Variants in CPAMD8 observed in about 807,000 individuals in gnomAD.
CPAMD8 encodes C3 and PZP like alpha-2-macroglobulin domain containing 8.
Under a neutral mutation model 224.7 loss-of-function variants are expected in CPAMD8, and 146 were observed. That is an observed-to-expected ratio of 0.65 (90% CI 0.57 to 0.75). The LOEUF is 0.75. CPAMD8 is among the 30% of genes least tolerant of loss of function. The pLI, the probability that CPAMD8 is intolerant of heterozygous loss-of-function variation, is 0.00. For missense variants in CPAMD8, 2,301 were observed against 2,537.5 expected, an observed-to-expected ratio of 0.91 and a Z score of 2.00; for synonymous variants, 966 against 1,044.6, an observed-to-expected ratio of 0.92 and a Z score of 1.45.
At position 16,943,033 on chromosome 19, in the gene CPAMD8, G is replaced by A. The variant is rs2053957019; in HGVS notation, c.2793+2516C>T. Among the ~76,000 whole-genome samples, 10 of 143,824 alleles carry A rather than the reference G, an allele frequency of 7.0e-5. No homozygotes were observed. In the Admixed American group the frequency reaches 7.1e-4, roughly 10 times the overall value. The allele number at this position is 143,824 out of a possible 152,430, so 94.4% of individuals were successfully genotyped here. A position where few individuals can be genotyped will look rare whatever the true frequency, so the allele number is the denominator to read the frequency against. Reference sequence around the variant, plus strand: ...TTTCTTTTTTTTTTTTTTGAGACAGGGTCTGGCTCTCTCACCCAGGCTAGA... The same window carrying A: ...TTTCTTTTTTTTTTTTTTGAGACAGAGTCTGGCTCTCTCACCCAGGCTAGA... On this transcript the variant is annotated intron_variant, in intron 22 of 41. Coordinates refer to ENST00000443236, the MANE Select transcript of CPAMD8 (RefSeq NM_015692.5).
At chr19:16,941,958 C>A (rs549182165) in intron 22 of CPAMD8, among the ~76,000 whole-genome samples, 1 of 151,586 alleles carries the variant, frequency 6.6e-6, no homozygotes. Context: ...GGCGACAGAG[C>A]GAGACTCCAT....
rs371568328 is a variant in CPAMD8 at position 16,945,672 on chromosome 19, G to A, written c.2670C>T (p.Ala890=). The change falls in exon 22 of 42, where the codon GCC becomes GCT. Residue 890 remains alanine (A), a synonymous_variant. Coordinates refer to ENST00000443236, the MANE Select transcript of CPAMD8 (RefSeq NM_015692.5). ...DLGLNNITAK[A]LAYGDTNCCR... is the part of the protein sequence containing the mutation. ...AGCAATTTGTGTCTCCGTAAGCAAG[G>A]GCTTTGGCTGCAGAAATTTGATGTC... is the stretch of plus-strand genomic sequence containing the variant. The A allele has an allele frequency of 1.9e-6, 3 of 1,614,112 alleles. No individual in the cohort carries two copies. Among genetic ancestry groups the A allele is most frequent in the Non-Finnish European group, 2.5e-6 (3 of 1,179,956 alleles).
chr19:16,972,026 A>G (rs1393264677), intron 17 of CPAMD8, among the ~76,000 whole-genome samples: 2 of 151,980 alleles, frequency 1.3e-5, no homozygotes, highest in African/African-American at 4.8e-5. Context: ...CAGCCTGGGC[A>G]ATAGAGCAAG....
chr19:16,961,761 G>A lies in CPAMD8; in HGVS notation c.2214-3846C>T, dbSNP rs550636394. Among the ~76,000 whole-genome samples, 6 of 152,352 alleles carry A rather than the reference G, an allele frequency of 3.9e-5. No individual in the cohort carries two copies. In the South Asian group the frequency reaches 6.2e-4, roughly 16 times the overall value. The stretch of plus-strand genomic sequence containing the variant: ...TAGCCTAACTGGGAGACACCTCCCA[G>A]GAGGGGCCGACAAACACCTCATATA... On this transcript the variant is annotated intron_variant, in intron 18 of 41. Coordinates refer to ENST00000443236, the MANE Select transcript of CPAMD8 (RefSeq NM_015692.5).
intron 6 of CPAMD8, chr19:17,008,843 T>C: frequency 2.0e-6 from 1 of 489,908 alleles, no homozygotes; most frequent in East Asian, 3.6e-5. Flanking sequence ...ATCCCAGCAG[T>C]TTGGGAGGCC....
chr19:16,907,199 C>G (rs562951180), intron 29 of CPAMD8, 82 bp from the exon 30 acceptor site: 12 of 1,425,570 alleles, frequency 8.4e-6, no homozygotes, highest in East Asian at 7.9e-5. Flanking sequence ...GAGGCATCCC[C>G]GAGGAGAGCT....
chr19:17,021,889 C>CA, intron 2 of CPAMD8, 141 bp downstream of exon 2: 4 of 569,614 alleles, frequency 7.0e-6, no homozygotes, highest in African/African-American at 1.9e-5. Context: ...CCTGTCTTCC[C>CA]TCCCTCCCTC....
At chr19:16,965,259 CA>C (rs59722303) in intron 18 of CPAMD8, among the ~76,000 whole-genome samples, 7 of 144,268 alleles carry the variant, frequency 4.9e-5, no homozygotes, top group Admixed American at 6.9e-5. Context: ...GACTCCATCT[CA>C]AAAAAAAAAG....
At chr19:17,013,943 TCTCC>T (rs1311668385) in intron 3 of CPAMD8, among the ~76,000 whole-genome samples, 2 of 124,826 alleles carry the variant, frequency 1.6e-5, no homozygotes, top group African/African-American at 6.1e-5. Context: ...TCCCTCCCTC[TCTCC>T]CTCCCTTCCT....
At chr19:16,917,753 T>A (rs1010485223) in intron 27 of CPAMD8, among the ~76,000 whole-genome samples, 16 of 152,200 alleles carry the variant, frequency 1.1e-4, no homozygotes, top group Non-Finnish European at 1.5e-4. Context: ...AAAAAATTAG[T>A]TAAAATAAAT....
intron 25 of CPAMD8, 66 bp downstream of exon 25, chr19:16,927,943 G>T: frequency 8.5e-7 from 1 of 1,174,628 alleles, no homozygotes; most frequent in Admixed American, 1.7e-5. Context: ...TTGAGACTAA[G>T]CCTGGAGTCT....
At chr19:16,995,683 G>A (rs901354770) in intron 11 of CPAMD8, among the ~76,000 whole-genome samples, 5 of 152,124 alleles carry the variant, frequency 3.3e-5, no homozygotes, top group Non-Finnish European at 5.9e-5. Context: ...TTATAGTCAT[G>A]AGCCACCGTG....
At chr19:17,005,846 ATG>A (rs2056477004) in intron 7 of CPAMD8, among the ~76,000 whole-genome samples, 1 of 152,016 alleles carries the variant, frequency 6.6e-6, no homozygotes, top group Non-Finnish European at 1.5e-5. Flanking sequence ...ACATTCGGGG[ATG>A]TGTGTCCTGA....
chr19:16,969,685 G>C (rs1212636456), intron 18 of CPAMD8, among the ~76,000 whole-genome samples: 2 of 151,878 alleles, frequency 1.3e-5, no homozygotes, highest in African/African-American at 4.8e-5. Flanking sequence ...TTTGAGACCA[G>C]TGTGCCTAAC....
At chr19:16,998,495 A>G (rs2056205916) in intron 10 of CPAMD8, among the ~76,000 whole-genome samples, 1 of 151,864 alleles carries the variant, frequency 6.6e-6, no homozygotes, top group African/African-American at 2.4e-5. Context: ...TAAATTAAAG[A>G]TATCTCAGAC....
chr19:16,924,601 G>T (rs1450865808), intron 26 of CPAMD8, among the ~76,000 whole-genome samples: 1 of 152,140 alleles, frequency 6.6e-6, no homozygotes, highest in Non-Finnish European at 1.5e-5. Context: ...ATTTTTTACA[G>T]TTGGGGTCTC....
At chr19:16,918,673 C>T (rs1344927738) in intron 27 of CPAMD8, among the ~76,000 whole-genome samples, 1 of 151,686 alleles carries the variant, frequency 6.6e-6, no homozygotes, top group Non-Finnish European at 1.5e-5. Flanking sequence ...TCTCCGACTC[C>T]TGGCCTCAAA....
chr19:16,999,933 C>A (rs993904404), intron 10 of CPAMD8, among the ~76,000 whole-genome samples: 1 of 152,146 alleles, frequency 6.6e-6, no homozygotes, highest in Admixed American at 6.6e-5. Flanking sequence ...CCGCCTTGGC[C>A]TCCCAAAGTG....
At chr19:16,916,838 C>A (rs962834906) in intron 27 of CPAMD8, among the ~76,000 whole-genome samples, 14 of 152,226 alleles carry the variant, frequency 9.2e-5, no homozygotes, top group African/African-American at 3.4e-4. Context: ...AATGCATCCT[C>A]TTCTTTCTAT....
Sources: gnomAD v4.1 joint callset for allele counts (sites outside exome capture counted in the v4.1 genomes callset) on GRCh38, gnomAD v4.1.1 for gene constraint, MANE v1.5 for transcripts, NCBI Gene and HGNC (gene_info 2026-07-23, HGNC 2026-07-21) for gene names.